The following LEPR variants were observed in gnomAD, a reference collection of about 807,000 sequenced individuals.
The protein encoded by LEPR is OB receptor.
In LEPR, 56 loss-of-function variants were observed where a neutral mutation model predicts 114.7. The observed-to-expected ratio is 0.49, with a 90% CI of 0.39 to 0.61. The LOEUF is 0.61. LEPR is among the 20% of genes least tolerant of loss of function. LEPR has a pLI of 0.00. For missense variants in LEPR, 1,202 were observed against 1,352.9 expected (o/e 0.89, Z 1.75); for synonymous variants, 443 against 461.4 (o/e 0.96, Z 0.51).
chr1:65,480,949 A>G (rs1026222849), intron 2 of LEPR, among the ~76,000 whole-genome samples: 10 of 152,236 alleles, frequency 6.6e-5, no homozygotes, highest in African/African-American at 2.4e-4. Flanking sequence ...TTAGTTTCCT[A>G]GAGCTCTTAT....
chr1:65,565,693 C>A, intron 3 of LEPR, 88 bp downstream of exon 3: 1 of 1,465,854 alleles, frequency 6.8e-7, no homozygotes, highest in Non-Finnish European at 9.5e-7. Flanking sequence ...TATTAGCTAA[C>A]AGAATTTCCT....
intron 2 of LEPR, among the ~76,000 whole-genome samples, chr1:65,499,585 C>T (rs560581798): frequency 3.9e-4 from 60 of 152,086 alleles, no homozygotes; most frequent in Non-Finnish European, 8.1e-4. Flanking sequence ...ATAAATTCCA[C>T]CACGGAGAAA....
intron 2 of LEPR, among the ~76,000 whole-genome samples, chr1:65,491,800 T>A (rs1327503850): frequency 1.3e-5 from 2 of 152,078 alleles, no homozygotes; most frequent in Admixed American, 6.6e-5. Flanking sequence ...TTTTAGAAGG[T>A]ATCTGTTAGG....
At chr1:65,496,072 A>T (rs1286017719) in intron 2 of LEPR, among the ~76,000 whole-genome samples, 1 of 152,208 alleles carries the variant, frequency 6.6e-6, no homozygotes, top group Non-Finnish European at 1.5e-5. Context: ...CCAAATATAA[A>T]GAAATGATAA....
intron 2 of LEPR, among the ~76,000 whole-genome samples, chr1:65,488,174 TTCTTTCTTTCTTTC>T (rs1647619750): frequency 6.4e-5 from 1 of 15,708 alleles, no homozygotes; most frequent in Non-Finnish European, 1.4e-4. Context: ...CTTTCTTTCT[TTCTTTCTTTCTTTC>T]TTTCTTTCTT....
intron 2 of LEPR, among the ~76,000 whole-genome samples, chr1:65,452,773 T>C (rs1386230138): frequency 6.6e-6 from 1 of 152,134 alleles, no homozygotes; most frequent in African/African-American, 2.4e-5. Flanking sequence ...GGCTTTGGTA[T>C]CAGGATGATG....
At chr1:65,549,194 G>A (rs1652062306) in intron 2 of LEPR, among the ~76,000 whole-genome samples, 1 of 151,050 alleles carries the variant, frequency 6.6e-6, no homozygotes, top group South Asian at 2.1e-4. Flanking sequence ...AGTCTGATGG[G>A]CTTCCCTTTG....
intron 2 of LEPR, among the ~76,000 whole-genome samples, chr1:65,490,341 C>G (rs1647798600): frequency 3.9e-5 from 6 of 152,024 alleles, no homozygotes; most frequent in Non-Finnish European, 8.8e-5. Context: ...TTCTGGTAAT[C>G]CCAATGTTAC....
intron 2 of LEPR, among the ~76,000 whole-genome samples, chr1:65,553,836 A>C (rs1472725142): frequency 6.6e-6 from 1 of 152,018 alleles, no homozygotes; most frequent in East Asian, 1.9e-4. Context: ...CCTCATCTTC[A>C]TGGATTTATC....
chr1:65,433,155 T>A (rs1407259940), intron 2 of LEPR: 3 of 985,306 alleles, frequency 3.0e-6, no homozygotes, highest in African/African-American at 3.5e-5. Context: ...TCTCCCCAGC[T>A]CCTTCCCTCT....
At chr1:65,566,352 G>A (rs568084066) in intron 3 of LEPR, among the ~76,000 whole-genome samples, 4 of 151,984 alleles carry the variant, frequency 2.6e-5, no homozygotes, top group South Asian at 4.2e-4. Context: ...ACAGGCACGC[G>A]CCACCATGCC....
At position 65,488,226 on chromosome 1, in the gene LEPR, C is replaced by CTTTCTTTCTTTCTTTCTTTCTTTCTT. The variant is rs1165679914; in HGVS notation, c.-21+62849_-21+62850insTTCTTTCTTTCTTTCTTTCTTTCTTT. Among the ~76,000 whole-genome samples the CTTTCTTTCTTTCTTTCTTTCTTTCTT allele has an allele frequency of 1.0e-3, 69 of 67,928 alleles. 1 individual carries two copies. Among genetic ancestry groups the CTTTCTTTCTTTCTTTCTTTCTTTCTT allele is most frequent in the African/African-American group, 2.1e-3 (24 of 11,440 alleles). The allele number at this position is 67,928 out of a possible 152,430, so 44.6% of individuals were successfully genotyped here. A position where few individuals can be genotyped will look rare whatever the true frequency, so the allele number is the denominator to read the frequency against. ...TTTCTTTCTTTCTCTCTCTCTCTCT[C>CTTTCTTTCTTTCTTTCTTTCTTTCTT]TCTTTCTTTCTTTCTTTCTTTCTTT... On this transcript the variant is annotated intron_variant, in intron 2 of 19. Transcript: ENST00000349533.
intron 6 of LEPR, among the ~76,000 whole-genome samples, chr1:65,593,863 A>C (rs1655869270): frequency 9.0e-6 from 1 of 111,692 alleles, no homozygotes. Flanking sequence ...ATTCAATATC[A>C]TTTTCTTTTC....
intron 2 of LEPR, among the ~76,000 whole-genome samples, chr1:65,514,071 T>C (rs1649164066): frequency 6.6e-6 from 1 of 152,218 alleles, no homozygotes; most frequent in Non-Finnish European, 1.5e-5. Context: ...TGTTGTTAAT[T>C]TTAATCTTGG....
At chr1:65,502,825 G>A (rs1045291658) in intron 2 of LEPR, among the ~76,000 whole-genome samples, 4 of 151,788 alleles carry the variant, frequency 2.6e-5, no homozygotes, top group African/African-American at 4.8e-5. Context: ...CAAGAAGCCA[G>A]TGGGGCTGAA....
chr1:65,612,294 G>C (rs1031156668), intron 14 of LEPR, among the ~76,000 whole-genome samples: 1 of 152,146 alleles, frequency 6.6e-6, no homozygotes, highest in South Asian at 2.1e-4. Context: ...CCCACACCAA[G>C]TTTTCTCTAG....
Position 65,420,708 on chromosome 1 carries a change from G to T in LEPR, c.-129G>T. 1 of 1,580,130 alleles carries T rather than the reference G, an allele frequency of 6.3e-7. No homozygotes were observed. Among genetic ancestry groups the T allele is most frequent in the Non-Finnish European group, 8.6e-7 (1 of 1,165,322 alleles). ...TGGCAGGAAGCCGGAAGCAGCCGCG[G>T]CCCCAGTTCGGGAGACATGGCGGGC... On this transcript the variant is annotated 5_prime_UTR_variant, in exon 1 of 20. Coordinates refer to ENST00000349533, the MANE Select transcript of LEPR (RefSeq NM_002303.6).
chr1:65,502,198 G>T (rs915100094), intron 2 of LEPR, among the ~76,000 whole-genome samples: 1 of 152,058 alleles, frequency 6.6e-6, no homozygotes, highest in Non-Finnish European at 1.5e-5. Context: ...GGCTATTAAG[G>T]TGAACCCTAA....
chr1:65,492,708 A>G (rs1353299044), intron 2 of LEPR, among the ~76,000 whole-genome samples: 1 of 151,864 alleles, frequency 6.6e-6, no homozygotes, highest in Non-Finnish European at 1.5e-5. Flanking sequence ...TGTGTTAGGT[A>G]TACGTTACCA....
Sources: gnomAD v4.1 joint callset for allele counts (sites outside exome capture counted in the v4.1 genomes callset) on GRCh38, gnomAD v4.1.1 for gene constraint, MANE v1.5 for transcripts, NCBI Gene and HGNC (gene_info 2026-07-23, HGNC 2026-07-21) for gene names.